The following NUDCD3 variants were observed in gnomAD, a reference collection of about 807,000 sequenced individuals.
NUDCD3 encodes the protein nudC domain-containing protein 3.
NUDCD3 carries 13 observed loss-of-function variants against 39.7 expected under a neutral mutation model. The observed-to-expected ratio is 0.33, with a 90% CI of 0.21 to 0.52. The LOEUF is 0.52. NUDCD3 is among the 20% of genes least tolerant of loss of function. The pLI is 0.96. For missense variants in NUDCD3, 453 were observed against 458.1 expected (o/e 0.99, Z 0.10); for synonymous variants, 175 against 172.4 (o/e 1.02, Z -0.12).
At chr7:44,439,215 C>A (rs1305966267) in intron 2 of NUDCD3, among the ~76,000 whole-genome samples, 1 of 152,174 alleles carries the variant, frequency 6.6e-6, no homozygotes, top group Non-Finnish European at 1.5e-5. Context: ...AGTGAGGACA[C>A]AGGATTCTGT....
chr7:44,463,514 A>C (rs773769488), intron 2 of NUDCD3, among the ~76,000 whole-genome samples: 6 of 152,162 alleles, frequency 3.9e-5, no homozygotes, highest in Non-Finnish European at 8.8e-5. Flanking sequence ...AGTATCCCCA[A>C]ACCCTGAGAA....
chr7:44,399,097 G>A (rs544406381), intron 4 of NUDCD3, among the ~76,000 whole-genome samples: 4 of 152,328 alleles, frequency 2.6e-5, no homozygotes, highest in South Asian at 2.1e-4. Context: ...AAGCAATGCC[G>A]AGCTGCGTTC....
intron 1 of NUDCD3, among the ~76,000 whole-genome samples, chr7:44,488,059 A>G (rs1441156779): frequency 3.3e-5 from 5 of 152,138 alleles, no homozygotes; most frequent in African/African-American, 9.7e-5. Flanking sequence ...TTCCTTGGCC[A>G]GGCGCAGTGG....
intron 4 of NUDCD3, among the ~76,000 whole-genome samples, chr7:44,402,474 C>A (rs1798743921): frequency 6.6e-6 from 1 of 152,210 alleles, no homozygotes; most frequent in African/African-American, 2.4e-5. Flanking sequence ...TTAATAATCA[C>A]ATATTTATGC....
chr7:44,393,279 C>T (rs996290897), intron 4 of NUDCD3, among the ~76,000 whole-genome samples: 3 of 152,210 alleles, frequency 2.0e-5, no homozygotes, highest in African/African-American at 7.2e-5. Flanking sequence ...CAGCACCCAG[C>T]ATTTAAGATC....
chr7:44,414,793 GAACACGTTATGGAGCTTTT>G (rs1225947016), intron 3 of NUDCD3, among the ~76,000 whole-genome samples: 1 of 152,154 alleles, frequency 6.6e-6, no homozygotes, highest in East Asian at 1.9e-4. Context: ...CAACTTCTAA[GAACACGTTATGGAGCTTTT>G]AACACAAATT....
intron 2 of NUDCD3, among the ~76,000 whole-genome samples, chr7:44,459,010 G>A (rs1372596723): frequency 6.6e-6 from 1 of 150,388 alleles, no homozygotes; most frequent in Non-Finnish European, 1.5e-5. Context: ...ACAAGCATGT[G>A]TATGAGCCTG....
chr7:44,426,139 G>A (rs1264455324), intron 3 of NUDCD3: 1 of 985,328 alleles, frequency 1.0e-6, no homozygotes, highest in Admixed American at 6.2e-5. Context: ...GGCTTCAATG[G>A]GTCTCACCCA....
At chr7:44,403,380 T>C (rs1798758089) in intron 4 of NUDCD3, among the ~76,000 whole-genome samples, 2 of 152,176 alleles carry the variant, frequency 1.3e-5, no homozygotes, top group African/African-American at 4.8e-5. Context: ...GAGTGAGCAG[T>C]TGAGGCCACG....
intron 1 of NUDCD3, 196 bp downstream of exon 1, chr7:44,490,213 G>C (rs547200070): frequency 3.5e-6 from 2 of 575,078 alleles, no homozygotes; most frequent in Non-Finnish European, 5.9e-6. Flanking sequence ...ACCTCAGGAC[G>C]TCCGGAGCGA....
At chr7:44,426,900 T>C (rs1799247416) in intron 3 of NUDCD3, among the ~76,000 whole-genome samples, 1 of 152,158 alleles carries the variant, frequency 6.6e-6, no homozygotes, top group Non-Finnish European at 1.5e-5. Flanking sequence ...GTTGTTGCCC[T>C]GAGAGAACTG....
chr7:44,428,618 T>G (rs924562653), intron 2 of NUDCD3, among the ~76,000 whole-genome samples: 3 of 152,080 alleles, frequency 2.0e-5, no homozygotes, highest in African/African-American at 7.2e-5. Context: ...CCTAAAAAAC[T>G]CAATCAAGCA....
intron 3 of NUDCD3, among the ~76,000 whole-genome samples, chr7:44,425,341 T>C (rs1477004031): frequency 6.6e-6 from 1 of 152,066 alleles, no homozygotes; most frequent in Non-Finnish European, 1.5e-5. Flanking sequence ...TACAACAAAA[T>C]AGAATGAAAT....
At chr7:44,473,281 A>G (rs1800294620) in intron 2 of NUDCD3, among the ~76,000 whole-genome samples, 1 of 152,320 alleles carries the variant, frequency 6.6e-6, no homozygotes, top group Admixed American at 6.5e-5. Context: ...TATGGACCAA[A>G]CAATATGAAC....
intron 2 of NUDCD3, among the ~76,000 whole-genome samples, chr7:44,484,025 C>T (rs551462147): frequency 9.2e-5 from 14 of 152,136 alleles, no homozygotes; most frequent in South Asian, 4.2e-4. Context: ...AAAGTGTGCA[C>T]GCACACACAC....
chr7:44,413,955 T>C (rs557861032), intron 3 of NUDCD3, among the ~76,000 whole-genome samples: 15 of 150,900 alleles, frequency 9.9e-5, no homozygotes, highest in African/African-American at 3.4e-4. Flanking sequence ...CTCAGGAGAC[T>C]GAGATGGGAA....
intron 2 of NUDCD3, among the ~76,000 whole-genome samples, chr7:44,435,504 C>CA (rs1799448102): frequency 6.6e-6 from 1 of 152,216 alleles, no homozygotes; most frequent in Non-Finnish European, 1.5e-5. Flanking sequence ...AAAACGAAAT[C>CA]TCCAGGGGTC....
chr7:44,447,817 A>G (rs577257087), intron 2 of NUDCD3, among the ~76,000 whole-genome samples: 1 of 152,302 alleles, frequency 6.6e-6, no homozygotes, highest in East Asian at 1.9e-4. Flanking sequence ...TATGACATCA[A>G]TTAGAAGGGA....
chr7:44,431,860 T>C (rs1474413550), intron 2 of NUDCD3, among the ~76,000 whole-genome samples: 3 of 151,982 alleles, frequency 2.0e-5, no homozygotes, highest in South Asian at 2.1e-4. Flanking sequence ...TTAGTAGAGA[T>C]AGGGTTTCAC....
Sources: gnomAD v4.1 joint callset for allele counts (sites outside exome capture counted in the v4.1 genomes callset) on GRCh38, gnomAD v4.1.1 for gene constraint, MANE v1.5 for transcripts, NCBI Gene and HGNC (gene_info 2026-07-23, HGNC 2026-07-21) for gene names.